Variants in ZNF618 observed in about 807,000 individuals in gnomAD.
The protein encoded by ZNF618 is zinc finger protein 618.
In ZNF618, 34 loss-of-function variants were observed where a neutral mutation model predicts 103.0. The ratio of observed to expected loss-of-function variants is 0.33; its 90% CI spans 0.25 to 0.44. ZNF618 has a LOEUF of 0.44. ZNF618 is among the 20% of genes least tolerant of loss of function. The probability of loss-of-function intolerance (pLI) is 1.00; values close to 1 mark genes in which losing one functional copy is unlikely to be tolerated. For missense variants in ZNF618, 1,059 were observed against 1,295.4 expected (o/e 0.82, Z 2.80); for synonymous variants, 551 against 542.2 (o/e 1.02, Z -0.23).
chr9:113,928,229 G>A (rs1458632101), intron 1 of ZNF618, among the ~76,000 whole-genome samples: 4 of 152,138 alleles, frequency 2.6e-5, no homozygotes, highest in African/African-American at 9.7e-5. Flanking sequence ...CTCCATTTCT[G>A]TTGCTGTGTA....
chr9:113,988,642 TG>T, intron 3 of ZNF618, 62 bp downstream of exon 3: 3 of 1,526,202 alleles, frequency 2.0e-6, no homozygotes, highest in Non-Finnish European at 1.8e-6. Context: ...GTCAGAGTCC[TG>T]GGGAAAAGCG....
chr9:113,999,260 T>G (rs1247673575), intron 4 of ZNF618, among the ~76,000 whole-genome samples: 7 of 129,744 alleles, frequency 5.4e-5, no homozygotes, highest in South Asian at 5.0e-4. Context: ...TTTAGGCTGA[T>G]CGAGGGGCAG....
At chr9:113,970,549 C>T (rs2132833543) in intron 2 of ZNF618, among the ~76,000 whole-genome samples, 1 of 152,126 alleles carries the variant, frequency 6.6e-6, no homozygotes, top group Non-Finnish European at 1.5e-5. Context: ...CTAAATTTGC[C>T]CATAAATGGC....
intron 13 of ZNF618, among the ~76,000 whole-genome samples, chr9:114,039,811 A>G (rs998400031): frequency 6.6e-6 from 1 of 152,196 alleles, no homozygotes; most frequent in African/African-American, 2.4e-5. Flanking sequence ...CTAAGACCCA[A>G]CAACAGCAGA....
At chr9:113,909,194 G>A (rs1006837303) in intron 1 of ZNF618, among the ~76,000 whole-genome samples, 6 of 151,964 alleles carry the variant, frequency 3.9e-5, no homozygotes, top group African/African-American at 1.2e-4. Flanking sequence ...TGGTCCTGTC[G>A]CCTGTTGCAG....
At chr9:113,957,578 TCCAGACATG>T (rs1298908772) in intron 1 of ZNF618, among the ~76,000 whole-genome samples, 2 of 152,086 alleles carry the variant, frequency 1.3e-5, no homozygotes, top group African/African-American at 4.8e-5. Flanking sequence ...GGTGAGGCCG[TCCAGACATG>T]CCAGACATGC....
chr9:114,019,247 C>G (rs564673716), intron 10 of ZNF618, among the ~76,000 whole-genome samples: 1 of 152,200 alleles, frequency 6.6e-6, no homozygotes, highest in East Asian at 1.9e-4. Context: ...TAGCCATTTA[C>G]CTGTTAATTT....
At chr9:113,951,676 C>CAGTT (rs1393523198) in intron 1 of ZNF618, among the ~76,000 whole-genome samples, 1 of 151,088 alleles carries the variant, frequency 6.6e-6, no homozygotes, top group Non-Finnish European at 1.5e-5. Flanking sequence ...AGAACTCAGG[C>CAGTT]AGTTGTATGT....
At chr9:114,007,965 C>A (rs551643144) in intron 7 of ZNF618, among the ~76,000 whole-genome samples, 7 of 152,320 alleles carry the variant, frequency 4.6e-5, no homozygotes, top group African/African-American at 1.7e-4. Flanking sequence ...CCACCTGTTA[C>A]CACTGGCCCA....
intron 1 of ZNF618, among the ~76,000 whole-genome samples, chr9:113,945,951 T>C (rs747968015): frequency 4.6e-5 from 7 of 152,254 alleles, no homozygotes; most frequent in Non-Finnish European, 1.0e-4. Flanking sequence ...CAGTCCCTGA[T>C]CTGGAGTCTC....
intron 1 of ZNF618, among the ~76,000 whole-genome samples, chr9:113,894,034 A>G (rs920902745): frequency 2.0e-5 from 3 of 152,210 alleles, no homozygotes; most frequent in African/African-American, 7.2e-5. Context: ...GAGTCATAAT[A>G]CCACAGTGCT....
At chr9:113,921,492 G>A (rs1459184762) in intron 1 of ZNF618, among the ~76,000 whole-genome samples, 1 of 152,252 alleles carries the variant, frequency 6.6e-6, no homozygotes, top group Non-Finnish European at 1.5e-5. Context: ...GCTTCTTCAT[G>A]GTTATGGCCC....
In ZNF618 at chr9:114,052,919, T is replaced by G. The variant is rs1004323339; in HGVS notation, c.*2752T>G. On this transcript the variant is annotated 3_prime_UTR_variant, in exon 15 of 15. Coordinates refer to ENST00000374126, the MANE Select transcript of ZNF618 (RefSeq NM_001318042.2). The stretch of plus-strand genomic sequence containing the variant: ...TAGGTTGTTACCTCCCTTTCACTTC[T>G]TTTCCACCTCAATTCAATACTTAGG... 1.3e-5 allele frequency: 2 copies of G among 152,236 alleles called. No individual in the cohort carries two copies. The highest frequency in any genetic ancestry group is 4.8e-5 in the African/African-American group (2 of 41,452). The allele number at this position is 152,236 out of a possible 1,614,324, so 9.4% of individuals were successfully genotyped here.
chr9:114,033,817 T>C (rs1297226469), intron 12 of ZNF618, among the ~76,000 whole-genome samples: 1 of 149,546 alleles, frequency 6.7e-6, no homozygotes, highest in Non-Finnish European at 1.5e-5. Flanking sequence ...ACATATTAGG[T>C]GTCAGCCTGT....
intron 1 of ZNF618, among the ~76,000 whole-genome samples, chr9:113,929,289 C>T (rs1833367957): frequency 6.6e-6 from 1 of 152,214 alleles, no homozygotes; most frequent in African/African-American, 2.4e-5. Flanking sequence ...GTTACCAGCC[C>T]CAGCCACTGC....
At position 113,987,962 on chromosome 9, in the gene ZNF618, T is replaced by C. The variant is rs149936344; in HGVS notation, c.78-359T>C. On this transcript the variant is annotated intron_variant, in intron 2 of 14. Transcript: ENST00000374126. ...GGTCTAAGTACTGATTTCAGCCAGC[T>C]GGAGGTGCCCTTTTAGGTCACTTGT... is the stretch of plus-strand genomic sequence containing the variant. 1.4e-3 allele frequency among the ~76,000 whole-genome samples: 220 copies of C among 152,314 alleles called. 3 individuals are homozygous for C. The East Asian group carries it at 0.033, about 23-fold the overall frequency.
At chr9:114,021,383 A>G (rs1991706) in intron 10 of ZNF618, among the ~76,000 whole-genome samples, 84,620 of 151,906 alleles carry the variant, frequency 0.56, 25,836 homozygotes, top group East Asian at 0.72. Flanking sequence ...TTTTAAGAAC[A>G]TGTTTTCCTC....
At position 114,055,524 on chromosome 9, in the gene ZNF618, G is replaced by A. The variant is rs73658324; in HGVS notation, c.*5357G>A. 1,083 of 151,952 alleles carry A rather than the reference G, an allele frequency of 7.1e-3. 11 individuals are homozygous for A. The highest frequency in any genetic ancestry group is 0.024 in the African/African-American group (982 of 41,310). The allele number at this position is 151,952 out of a possible 1,614,324, so 9.4% of individuals were successfully genotyped here. On this transcript the variant is annotated 3_prime_UTR_variant, in exon 15 of 15. Transcript: ENST00000374126. ...CTTTTTCTTTTCCCCACAACTTCAC[G>A]CCAGTGAGTCGTTCACATCAGGTAA...
chr9:113,975,997 C>T (rs1454661453), intron 2 of ZNF618, among the ~76,000 whole-genome samples: 1 of 152,154 alleles, frequency 6.6e-6, no homozygotes, highest in East Asian at 1.9e-4. Context: ...CCAAAGGGGC[C>T]GGTTGCTTTT....
Sources: gnomAD v4.1 joint callset for allele counts (sites outside exome capture counted in the v4.1 genomes callset) on GRCh38, gnomAD v4.1.1 for gene constraint, MANE v1.5 for transcripts, NCBI Gene and HGNC (gene_info 2026-07-23, HGNC 2026-07-21) for gene names.